The following TTC17 variants were observed in gnomAD, a reference collection of about 807,000 sequenced individuals.
The protein encoded by TTC17 is tetratricopeptide repeat protein 17.
Under a neutral mutation model 143.8 loss-of-function variants are expected in TTC17, and 58 were observed. The ratio of observed to expected loss-of-function variants is 0.40; its 90% confidence interval spans 0.33 to 0.50. The LOEUF (loss-of-function observed/expected upper bound fraction) is 0.50. Among genes scored for constraint, TTC17 ranks in the 20% least tolerant of loss-of-function variants. The pLI is 0.49. For synonymous variants in TTC17, 501 were observed against 497.8 expected (o/e 1.01, Z -0.09); for missense variants, 1,273 against 1,392.5 (o/e 0.91, Z 1.37).
intron 1 of TTC17, among the ~76,000 whole-genome samples, chr11:43,361,798 AGGCAAAG>A (rs1472036102): frequency 6.6e-6 from 1 of 152,188 alleles, no homozygotes; most frequent in Non-Finnish European, 1.5e-5. Flanking sequence ...ACCTACTACC[AGGCAAAG>A]GGCTAAGGGC....
intron 5 of TTC17, among the ~76,000 whole-genome samples, chr11:43,393,248 G>T (rs555558922): frequency 6.6e-5 from 10 of 152,302 alleles, no homozygotes; most frequent in South Asian, 6.2e-4. Context: ...GATGCCAGTC[G>T]CAAGTCAAGG....
In TTC17 at chr11:43,359,263, C is replaced by A. The variant is rs35459262; in HGVS notation, c.159+150C>A. The stretch of plus-strand genomic sequence containing the variant: ...ACCGCGACCTCGGACTCCCTGCATT[C>A]GGACCAGGCAGGCACTTCCCGCTCC... On this transcript the variant is annotated intron_variant, in intron 1 of 23. Coordinates refer to ENST00000039989, the MANE Select transcript of TTC17 (RefSeq NM_018259.6). The A allele has an allele frequency of 3.0e-3, 2,990 of 999,820 alleles. 8 individuals are homozygous for A. The highest frequency in any genetic ancestry group is 3.8e-3 in the Non-Finnish European group (2,746 of 719,172). 61.9% of individuals were successfully genotyped at this position (999,820 alleles called of 1,614,324 possible).
chr11:43,407,717 AGT>A lies in TTC17; in HGVS notation c.2064+144_2064+145del, dbSNP rs1305318242. The A allele has an allele frequency of 2.1e-5, 16 of 761,678 alleles. No homozygotes were observed. The South Asian group carries it at 2.2e-4, about 11-fold the overall frequency. The allele number at this position is 761,678 out of a possible 1,614,324, so 47.2% of individuals were successfully genotyped here. On this transcript the variant is annotated intron_variant, in intron 15 of 23. Transcript: ENST00000039989. Reference sequence around the variant, plus strand: ...AGTAGCGTTTGCATTATTTCAAGAGAGTGTGAAAAAGCTTTTGTTGTATTTTG... The same window carrying A: ...AGTAGCGTTTGCATTATTTCAAGAGAGTGAAAAAGCTTTTGTTGTATTTTG...
At chr11:43,388,837 A>G (rs977951829) in intron 2 of TTC17, among the ~76,000 whole-genome samples, 1 of 151,826 alleles carries the variant, frequency 6.6e-6, no homozygotes, top group East Asian at 1.9e-4. Context: ...TTAGCCAGAC[A>G]TGGTGGTGTG....
chr11:43,450,693 A>G (rs1204987232), intron 20 of TTC17, among the ~76,000 whole-genome samples: 1 of 152,224 alleles, frequency 6.6e-6, no homozygotes, highest in Admixed American at 6.5e-5. Flanking sequence ...AAGATAGTAT[A>G]CAGTGGCACC....
rs1458108795 is a variant in TTC17, at chr11:43,389,826, A to T, written c.419+5A>T. 1 of 1,571,864 alleles carries T rather than the reference A, an allele frequency of 6.4e-7. No individual in the cohort carries two copies. Among genetic ancestry groups the T allele is most frequent in the South Asian group, 1.2e-5 (1 of 84,882 alleles). ...TTTGGAGAGCAAAGACATCAGGTAA[A>T]GAAGTTCTCTTTCCAAAAATAAAAT... On this transcript the variant is annotated splice_donor_5th_base_variant and intron_variant, in intron 3 of 23. Transcript: ENST00000039989.
chr11:43,447,944 GC>G lies in TTC17; in HGVS notation c.2666-55del, dbSNP rs1331203604. 3.8e-6 allele frequency: 6 copies of G among 1,595,026 alleles called. No individual in the cohort carries two copies. In the Admixed American group the frequency reaches 1.0e-4, roughly 27 times the overall value. On this transcript the variant is annotated intron_variant, in intron 18 of 23. Coordinates refer to ENST00000039989, the MANE Select transcript of TTC17 (RefSeq NM_018259.6). ...GGTGAAGTAATCACCAGGGCATAAG[GC>G]CCTTTGGGTTCTCTTCCTTTGCAAT... is the stretch of plus-strand genomic sequence containing the variant.
At chr11:43,403,144 G>A (rs1590362695) in intron 10 of TTC17, among the ~76,000 whole-genome samples, 1 of 152,122 alleles carries the variant, frequency 6.6e-6, no homozygotes, top group Non-Finnish European at 1.5e-5. Flanking sequence ...GCATTTTAAA[G>A]GGAAGAAGGG....
chr11:43,391,606 TTTTGCG>T lies in TTC17; in HGVS notation c.531+33_531+38del, dbSNP rs777189311. 7,001 of 1,128,516 alleles carry T rather than the reference TTTTGCG, an allele frequency of 6.2e-3. 4 individuals are homozygous for T. The highest frequency in any genetic ancestry group is 9.2e-3 in the Admixed American group (235 of 25,612). 69.9% of individuals were successfully genotyped at this position (1,128,516 alleles called of 1,614,324 possible). A position where few individuals can be genotyped will look rare whatever the true frequency, so the allele number is the denominator to read the frequency against. ...GTAGAGAACTTTAGGATTTTTTTTT[TTTTGCG>T]TTGCGTTCTTCTTTCAGTTGGTCTC... is the stretch of plus-strand genomic sequence containing the variant. On this transcript the variant is annotated intron_variant, in intron 4 of 23. Coordinates refer to ENST00000039989, the MANE Select transcript of TTC17 (RefSeq NM_018259.6).
Position 43,443,380 on chromosome 11 carries a change from CA to C in TTC17, c.2311del (p.Met771CysfsTer25). 6.2e-7 allele frequency: 1 copy of C among 1,613,982 alleles called. No homozygotes were observed. ...ATGAGATGGAGAATTCAGATGAAAC[CA>C]AAATGTCAGAAGAAATACTGGCTTT... is the stretch of plus-strand genomic sequence containing the variant. ...SDEMENSDET[K>X]MSEEILALVD... On this transcript the variant is annotated frameshift_variant, in exon 17 of 24. Transcript: ENST00000039989. LOFTEE classifies it high-confidence loss of function.
chr11:43,375,194 G>T (rs1005846198), intron 1 of TTC17, among the ~76,000 whole-genome samples: 2 of 152,140 alleles, frequency 1.3e-5, no homozygotes, highest in Non-Finnish European at 2.9e-5. Context: ...CAAAGTTCTG[G>T]ATTAGAGTCT....
intron 16 of TTC17, among the ~76,000 whole-genome samples, chr11:43,421,539 C>T (rs1455051814): frequency 6.6e-6 from 1 of 152,186 alleles, no homozygotes; most frequent in African/African-American, 2.4e-5. Context: ...GCATTACTGC[C>T]TGAGCTCCAC....
intron 5 of TTC17, among the ~76,000 whole-genome samples, chr11:43,392,383 A>T (rs1857425124): frequency 6.6e-6 from 1 of 151,912 alleles, no homozygotes; most frequent in African/African-American, 2.4e-5. Flanking sequence ...TATCTACTTT[A>T]AAAAAAATGA....
chr11:43,491,774 A>G (rs1008846410), intron 22 of TTC17: 6 of 505,320 alleles, frequency 1.2e-5, no homozygotes, highest in African/African-American at 1.9e-5. Context: ...TGTTTACTTC[A>G]GCTGACATTT....
At chr11:43,390,154 G>A in intron 3 of TTC17, 1 of 167,252 alleles carries the variant, frequency 6.0e-6, no homozygotes, top group South Asian at 1.6e-4. Context: ...AAAAAAAAAT[G>A]TTAAAAATTA....
intron 21 of TTC17, among the ~76,000 whole-genome samples, chr11:43,486,906 C>T (rs1222565528): frequency 6.6e-6 from 1 of 151,770 alleles, no homozygotes; most frequent in Non-Finnish European, 1.5e-5. Context: ...CATGGTGGTG[C>T]ATGCCTGTAG....
intron 20 of TTC17, 128 bp from the exon 21 acceptor site, chr11:43,451,054 A>G: frequency 1.3e-6 from 1 of 759,534 alleles, no homozygotes; most frequent in Non-Finnish European, 2.1e-6. Flanking sequence ...CCTTACCAAT[A>G]GGACCACAGC....
chr11:43,418,292 T>C (rs1946822498), intron 16 of TTC17, among the ~76,000 whole-genome samples: 1 of 152,228 alleles, frequency 6.6e-6, no homozygotes, highest in Non-Finnish European at 1.5e-5. Context: ...GAATAAAATT[T>C]CATAAATCCT....
At chr11:43,459,759 A>G (rs1947830215) in intron 21 of TTC17, among the ~76,000 whole-genome samples, 1 of 152,264 alleles carries the variant, frequency 6.6e-6, no homozygotes, top group Non-Finnish European at 1.5e-5. Context: ...AGTAGCAACC[A>G]TACTTCAAGT....
Sources: gnomAD v4.1 joint callset for allele counts (sites outside exome capture counted in the v4.1 genomes callset) on GRCh38, gnomAD v4.1.1 for gene constraint, MANE v1.5 for transcripts, NCBI Gene and HGNC (gene_info 2026-07-23, HGNC 2026-07-21) for gene names.